The following PRKAG2 variants were observed in gnomAD, a reference collection of about 807,000 sequenced individuals.
PRKAG2 encodes 5'-AMP-activated protein kinase subunit gamma-2.
Under a neutral mutation model 69.6 loss-of-function variants are expected in PRKAG2, and 26 were observed. The observed-to-expected ratio is 0.37, with a 90% CI of 0.27 to 0.52. The LOEUF is 0.52. PRKAG2 is among the 20% of genes least tolerant of loss of function. The pLI, the probability that PRKAG2 is intolerant of heterozygous loss-of-function variation, is 0.90. For missense variants in PRKAG2, 557 were observed against 740.0 expected (o/e 0.75, Z 2.87); for synonymous variants, 293 against 285.0 (o/e 1.03, Z -0.28).
At position 151,820,620 on chromosome 7, in the gene PRKAG2, C is replaced by G. The variant is rs55924499; in HGVS notation, c.115-34079G>C. The stretch of plus-strand genomic sequence containing the variant: ...AACACCGCTCCGTGGCCTGGCCCCT[C>G]TGGCTACTGCAGGGCACACTCTACT... On this transcript the variant is annotated intron_variant, in intron 1 of 15. Coordinates refer to ENST00000287878, the MANE Select transcript of PRKAG2 (RefSeq NM_016203.4). Among the ~76,000 whole-genome samples the G allele has an allele frequency of 3.5e-4, 7 of 20,078 alleles. 1 individual carries two copies. The highest frequency in any genetic ancestry group is 6.0e-4 in the African/African-American group (4 of 6,620). 13.2% of individuals were successfully genotyped at this position (20,078 alleles called of 152,430 possible).
chr7:151,680,334 A>C (rs1833668338), intron 3 of PRKAG2, among the ~76,000 whole-genome samples: 1 of 152,224 alleles, frequency 6.6e-6, no homozygotes, highest in Non-Finnish European at 1.5e-5. Flanking sequence ...TAGATAAATC[A>C]TGGCCCATCT....
intron 3 of PRKAG2, among the ~76,000 whole-genome samples, chr7:151,709,364 T>C (rs576826840): frequency 1.9e-4 from 29 of 152,076 alleles, no homozygotes; most frequent in East Asian, 7.8e-4. Context: ...ATGTGTGACA[T>C]TGATGTATAC....
chr7:151,558,361 C>T (rs907628053), intron 15 of PRKAG2: 94 of 985,314 alleles, frequency 9.5e-5, no homozygotes, highest in Non-Finnish European at 1.0e-4. Flanking sequence ...GTGCAGGTCC[C>T]GGGCACTGCG....
intron 6 of PRKAG2, among the ~76,000 whole-genome samples, chr7:151,589,990 C>T (rs1459545107): frequency 3.9e-5 from 6 of 152,212 alleles, no homozygotes; most frequent in Non-Finnish European, 8.8e-5. Flanking sequence ...TTCCCAGGAA[C>T]AGAGGACTTG....
At position 151,632,027 on chromosome 7, in the gene PRKAG2, G is replaced by A. The variant is rs781180303; in HGVS notation, c.754+42C>T. 7.8e-7 allele frequency: 1 copy of A among 1,288,660 alleles called. No homozygotes were observed. Among genetic ancestry groups the A allele is most frequent in the Non-Finnish European group, 9.9e-7 (1 of 1,006,704 alleles). The allele number at this position is 1,288,660 out of a possible 1,614,324, so 79.8% of individuals were successfully genotyped here. A position where few individuals can be genotyped will look rare whatever the true frequency, so the allele number is the denominator to read the frequency against. On this transcript the variant is annotated intron_variant, in intron 5 of 15. Transcript: ENST00000287878. The surrounding 1 kb of genome is among the most constrained non-coding windows in gnomAD (Gnocchi z 4.2). ...CGGGTCCCGGTCCTCGGGCGGCCGG[G>A]CCGTGGGAGCGCCGGGCCGGCAGCG...
chr7:151,648,988 C>T (rs914094937), intron 4 of PRKAG2, among the ~76,000 whole-genome samples: 12 of 151,864 alleles, frequency 7.9e-5, no homozygotes, highest in African/African-American at 2.7e-4. Context: ...GACCGAAAGA[C>T]GTAGTCATTC....
chr7:151,855,564 C>CCA (rs1401402125), intron 1 of PRKAG2, among the ~76,000 whole-genome samples: 4 of 141,842 alleles, frequency 2.8e-5, no homozygotes, highest in African/African-American at 1.1e-4. Context: ...ACGCCACCCT[C>CCA]CACACACCAC....
At chr7:151,662,728 C>G (rs151235470) in intron 4 of PRKAG2, among the ~76,000 whole-genome samples, 23 of 152,070 alleles carry the variant, frequency 1.5e-4, no homozygotes, top group South Asian at 2.1e-4. Context: ...CAGGGAGAAC[C>G]TATCTCTTCA....
chr7:151,732,773 ACCT>A lies in PRKAG2; in HGVS notation c.466+48376_466+48378del, dbSNP rs1799166182. On this transcript the variant is annotated intron_variant, in intron 3 of 15. Transcript: ENST00000287878. ...AATGGCATAATCTTGGCTCACTGCA[ACCT>A]CCTCCTCCCGGGTTTCAGCAATTCT... 2.0e-5 allele frequency among the ~76,000 whole-genome samples: 3 copies of A among 151,552 alleles called. No homozygotes were observed. The South Asian group carries it at 6.3e-4, about 32-fold the overall frequency.
chr7:151,647,103 T>C (rs1018262378), intron 4 of PRKAG2, among the ~76,000 whole-genome samples: 1 of 152,260 alleles, frequency 6.6e-6, no homozygotes, highest in Admixed American at 6.5e-5. Flanking sequence ...TCCCCTGTTC[T>C]TGCCACAAGC....
intron 7 of PRKAG2, among the ~76,000 whole-genome samples, chr7:151,575,689 G>T (rs1323214283): frequency 6.6e-6 from 1 of 152,132 alleles, no homozygotes; most frequent in African/African-American, 2.4e-5. Context: ...GGGGCCCAGG[G>T]ATGCCATATG....
chr7:151,793,020 T>A (rs377541159), intron 1 of PRKAG2, among the ~76,000 whole-genome samples: 5 of 152,176 alleles, frequency 3.3e-5, no homozygotes, highest in African/African-American at 1.2e-4. Flanking sequence ...CAGTTTTTCA[T>A]CTGTCAAATG....
chr7:151,658,317 C>G (rs1829796428), intron 4 of PRKAG2, among the ~76,000 whole-genome samples: 1 of 151,192 alleles, frequency 6.6e-6, no homozygotes, highest in African/African-American at 2.4e-5. Context: ...GAAACCCCGT[C>G]TCTACTAAAA....
In PRKAG2 at chr7:151,756,134, C is replaced by G. The variant is rs1015923551; in HGVS notation, c.466+25018G>C. Among the ~76,000 whole-genome samples, 4 of 152,188 alleles carry G rather than the reference C, an allele frequency of 2.6e-5. No homozygotes were observed. Among genetic ancestry groups the G allele is most frequent in the Non-Finnish European group, 5.9e-5 (4 of 68,040 alleles). ...CCGGCAGCCACAGGTCCCTCTGCCC[C>G]CAAAGCAGGTCTCGCCTCTGCACCA... On this transcript the variant is annotated intron_variant, in intron 3 of 15. Coordinates refer to ENST00000287878, the MANE Select transcript of PRKAG2 (RefSeq NM_016203.4). This position sits in a 1 kb window ranked among gnomAD's most constrained non-coding sequence, Gnocchi z 4.9.
rs1034722946 is a variant in PRKAG2, at chr7:151,814,605, T to C, written c.115-28064A>G. 5 of 1,231,662 alleles carry C rather than the reference T, an allele frequency of 4.1e-6. No individual in the cohort carries two copies. In the African/African-American group the frequency reaches 6.2e-5, roughly 15 times the overall value. The allele number at this position is 1,231,662 out of a possible 1,614,324, so 76.3% of individuals were successfully genotyped here. The stretch of plus-strand genomic sequence containing the variant: ...CAGCCCCTTCAGCACAGGCAATTTC[T>C]AGGGTTCGGCTGTGCTCCGAGCTGC... On this transcript the variant is annotated intron_variant, in intron 1 of 15. Coordinates refer to ENST00000287878, the MANE Select transcript of PRKAG2 (RefSeq NM_016203.4). This position sits in a 1 kb window ranked among gnomAD's most constrained non-coding sequence, Gnocchi z 4.8.
chr7:151,732,338 CA>C (rs1799086706), intron 3 of PRKAG2, among the ~76,000 whole-genome samples: 1 of 151,896 alleles, frequency 6.6e-6, no homozygotes, highest in African/African-American at 2.4e-5. Flanking sequence ...GGGGTTTTAC[CA>C]CATTGTCCAG....
At chr7:151,705,907 C>T (rs1177157575) in intron 3 of PRKAG2, among the ~76,000 whole-genome samples, 1 of 152,144 alleles carries the variant, frequency 6.6e-6, no homozygotes, top group East Asian at 1.9e-4. Context: ...TATGATTTCA[C>T]ATCCCCCCGC....
chr7:151,641,611 C>T (rs1826710460), intron 4 of PRKAG2, among the ~76,000 whole-genome samples: 1 of 151,800 alleles, frequency 6.6e-6, no homozygotes, highest in Admixed American at 6.6e-5. Flanking sequence ...GTGGCACAAT[C>T]ATAGCTCACT....
chr7:151,796,006 CATAAT>C (rs2077518188), intron 1 of PRKAG2, among the ~76,000 whole-genome samples: 1 of 147,444 alleles, frequency 6.8e-6, no homozygotes. Flanking sequence ...GATATAATCA[CATAAT>C]ATATTAACTT....
Sources: gnomAD v4.1 joint callset for allele counts (sites outside exome capture counted in the v4.1 genomes callset) on GRCh38, gnomAD v4.1.1 for gene constraint, Gnocchi (gnomAD v3.1) non-coding constraint, MANE v1.5 for transcripts, NCBI Gene and HGNC (gene_info 2026-07-23, HGNC 2026-07-21) for gene names.